Variants in MN1 observed in about 807,000 individuals in gnomAD.
MN1 encodes the protein transcriptional activator MN1.
MN1 carries 19 observed loss-of-function variants against 86.9 expected under a neutral mutation model. That is an observed-to-expected ratio of 0.22 (90% CI 0.15 to 0.32). MN1 has a LOEUF of 0.32. MN1 is among the 10% of genes least tolerant of loss of function. MN1 has a pLI of 1.00. For missense variants in MN1, 1,841 were observed against 1,862.0 expected, an observed-to-expected ratio of 0.99 and a Z score of 0.21; for synonymous variants, 928 against 849.6, an observed-to-expected ratio of 1.09 and a Z score of -1.60.
intron 1 of MN1, among the ~76,000 whole-genome samples, chr22:27,756,444 C>T (rs751454440): frequency 9.2e-5 from 14 of 152,092 alleles, no homozygotes; most frequent in Admixed American, 3.9e-4. Context: ...CTCCCAGCCA[C>T]GGTTCCACCA....
chr22:27,778,392 T>C (rs1933007264), intron 1 of MN1, among the ~76,000 whole-genome samples: 1 of 152,174 alleles, frequency 6.6e-6, no homozygotes. Flanking sequence ...CAGGCAAATC[T>C]CTCACTGCCC....
chr22:27,783,499 G>A (rs931035226), intron 1 of MN1, among the ~76,000 whole-genome samples: 6 of 152,148 alleles, frequency 3.9e-5, no homozygotes, highest in African/African-American at 1.4e-4. Context: ...TCTGCACGAG[G>A]CTTAGCCAGA....
chr22:27,796,941 G>A lies in MN1; in HGVS notation c.3603C>T (p.Ser1201=). 1 of 1,612,570 alleles carries A rather than the reference G, an allele frequency of 6.2e-7. No homozygotes were observed. Among genetic ancestry groups the A allele is most frequent in the South Asian group, 1.1e-5 (1 of 91,066 alleles). The change falls in exon 1 of 2, where the codon AGC becomes AGT. Residue 1201 remains serine (S), a synonymous_variant. Transcript: ENST00000302326. The stretch of plus-strand genomic sequence containing the variant: ...CGCTCTTGACCGCCTCGGAGCAGCA[G>A]CTGCCCAGCTCGCTGTCGCCATTCT... The part of the protein sequence containing the change: ...GAQNGDSELG[S]CCSEAVKSAM...
intron 1 of MN1, among the ~76,000 whole-genome samples, chr22:27,757,987 C>T (rs540689781): frequency 1.2e-4 from 19 of 152,168 alleles, no homozygotes; most frequent in Admixed American, 3.9e-4. Context: ...CCCACTACCC[C>T]ACCCTGGCCC....
intron 1 of MN1, among the ~76,000 whole-genome samples, chr22:27,756,923 T>C (rs1411366423): frequency 6.6e-6 from 1 of 152,052 alleles, no homozygotes; most frequent in Non-Finnish European, 1.5e-5. Context: ...ACTCGGCTAA[T>C]TTTTTAAAAT....
At chr22:27,775,304 G>A (rs868564083) in intron 1 of MN1, among the ~76,000 whole-genome samples, 66 of 152,260 alleles carry the variant, frequency 4.3e-4, no homozygotes, top group African/African-American at 1.5e-3. Flanking sequence ...TGTGAGTCAG[G>A]CTTCTTCTCT....
In MN1 at chr22:27,800,471, C is replaced by T; in HGVS notation, c.73G>A (p.Glu25Lys). The change falls in exon 1 of 2, where the codon GAG (glutamate) becomes AAG (lysine). Residue 25 changes from glutamate to lysine, a missense_variant. By Grantham distance (56) the Glu-to-Lys change is moderately conservative. Transcript: ENST00000302326. ...NAGQGERNFNETGLSMNTHFK... is the reference protein window; with the variant it reads ...NAGQGERNFNKTGLSMNTHFK... ...TGGGTGTTCATGCTCAGTCCGGTCTCGTTAAAGTTCCTCTCGCCCTGGCCA... is the reference window on the plus strand; with the variant it reads ...TGGGTGTTCATGCTCAGTCCGGTCTTGTTAAAGTTCCTCTCGCCCTGGCCA... 2 of 1,614,218 alleles carry T rather than the reference C, an allele frequency of 1.2e-6. No individual in the cohort carries two copies. The highest frequency in any genetic ancestry group is 2.2e-5 in the South Asian group (2 of 91,092).
At chr22:27,782,624 C>T (rs1435092329) in intron 1 of MN1, among the ~76,000 whole-genome samples, 7 of 152,288 alleles carry the variant, frequency 4.6e-5, no homozygotes, top group African/African-American at 1.7e-4. Context: ...TGAGTATCAA[C>T]TCATATATAT....
chr22:27,773,732 C>A (rs1932941280), intron 1 of MN1, among the ~76,000 whole-genome samples: 1 of 152,222 alleles, frequency 6.6e-6, no homozygotes, highest in African/African-American at 2.4e-5. Flanking sequence ...TCTCAGCTCA[C>A]TGCAACCTCT....
At chr22:27,757,963 C>T (rs1932811899) in intron 1 of MN1, among the ~76,000 whole-genome samples, 1 of 152,080 alleles carries the variant, frequency 6.6e-6, no homozygotes, top group South Asian at 2.1e-4. Context: ...AAAGTCTGCC[C>T]ACTTTTCTCC....
At chr22:27,769,012 C>T (rs1281465580) in intron 1 of MN1, among the ~76,000 whole-genome samples, 1 of 152,072 alleles carries the variant, frequency 6.6e-6, no homozygotes, top group East Asian at 1.9e-4. Context: ...TCAGTGGCTG[C>T]CATGACAACT....
In MN1 at chr22:27,798,366, C is replaced by T. The variant is rs1440629628; in HGVS notation, c.2178G>A (p.Ser726=). Residue 726 remains serine (S), a synonymous_variant, in exon 1 of 2, where the codon TCG becomes TCA. Transcript: ENST00000302326. ...AGTCCGGCGGCGGGGGCCGGCGCTC[C>T]GAAGCAGCGCTGGGGAGCCCCACGC... ...GAGVGLPSAA[S]ERRPPPPDFA... is the part of the protein sequence containing the mutation. 6 of 1,500,974 alleles carry T rather than the reference C, an allele frequency of 4.0e-6. No individual in the cohort carries two copies. Among genetic ancestry groups the T allele is most frequent in the South Asian group, 1.3e-5 (1 of 79,190 alleles). 93.0% of individuals were successfully genotyped at this position (1,500,974 alleles called of 1,614,324 possible).
chr22:27,773,710 G>A (rs1932941059), intron 1 of MN1, among the ~76,000 whole-genome samples: 1 of 152,186 alleles, frequency 6.6e-6, no homozygotes, highest in Admixed American at 6.5e-5. Context: ...AGGCTGGAGT[G>A]CAGTGGCACA....
intron 1 of MN1, among the ~76,000 whole-genome samples, chr22:27,777,661 C>T (rs1254579450): frequency 2.0e-5 from 3 of 151,746 alleles, no homozygotes; most frequent in Admixed American, 6.6e-5. Flanking sequence ...GAGTTCAAGA[C>T]CAGCCTGGCC....
At chr22:27,775,643 C>G (rs1396049461) in intron 1 of MN1, among the ~76,000 whole-genome samples, 1 of 152,192 alleles carries the variant, frequency 6.6e-6, no homozygotes, top group African/African-American at 2.4e-5. Context: ...GCTTCACACT[C>G]TCCTAGGTGA....
intron 1 of MN1, among the ~76,000 whole-genome samples, chr22:27,778,432 C>G (rs368688261): frequency 3.0e-4 from 46 of 152,332 alleles, no homozygotes; most frequent in African/African-American, 1.0e-3. Context: ...CACAGGGGGA[C>G]GCCCACTCCT....
rs1410486058 is a variant in MN1 at position 27,799,755 on chromosome 22, G to C, written c.789C>G (p.Arg263=). 41 of 1,590,838 alleles carry C rather than the reference G, an allele frequency of 2.6e-5. No homozygotes were observed. The highest frequency in any genetic ancestry group is 3.5e-5 in the Non-Finnish European group (41 of 1,168,760). ...EGQLPHYAAG[R]QVPGGAFPGA... is the part of the protein sequence containing the mutation. ...CCGGGAAAGCGCCCCCAGGAACCTG[G>C]CGACCCGCTGCATAATGAGGCAGCT... Residue 263 remains arginine, a synonymous_variant, in exon 1 of 2, where the codon CGC becomes CGG. Coordinates refer to ENST00000302326, the MANE Select transcript of MN1 (RefSeq NM_002430.3).
chr22:27,797,825 G>A lies in MN1; in HGVS notation c.2719C>T (p.Pro907Ser). 6.3e-7 allele frequency: 1 copy of A among 1,581,420 alleles called. No individual in the cohort carries two copies. The highest frequency in any genetic ancestry group is 8.6e-7 in the Non-Finnish European group (1 of 1,166,180). Residue 907 changes from proline (P) to serine (S), a missense_variant, in exon 1 of 2, where the codon CCC becomes TCC. Pro to Ser is a moderately conservative substitution (Grantham distance 74, BLOSUM62 -1). Transcript: ENST00000302326. ...CCGTCCCCCTGGGCTGGAGGGTTGG[G>A]CGGCCCCGAGGCTTTGGAGCCGCTG... Reference protein sequence around the residue: ...SSSGSKASGPPNPPAQGDGTS... With the variant: ...SSSGSKASGPSNPPAQGDGTS...
intron 1 of MN1, among the ~76,000 whole-genome samples, chr22:27,787,150 G>A (rs564165871): frequency 2.7e-4 from 41 of 152,174 alleles, no homozygotes; most frequent in Non-Finnish European, 5.4e-4. Context: ...GCACGTGCAC[G>A]TGCGTGTGTG....
Sources: allele counts gnomAD v4.1 joint callset (sites outside exome capture counted in the v4.1 genomes callset), GRCh38; gene constraint gnomAD v4.1.1; transcripts MANE v1.5; gene names NCBI Gene and HGNC (gene_info 2026-07-23, HGNC 2026-07-21).